Variants in CNTN3 observed in about 807,000 individuals in gnomAD.
CNTN3 encodes the protein contactin 3.
In CNTN3, 60 loss-of-function variants were observed where a neutral mutation model predicts 119.1. That is an observed-to-expected ratio of 0.50 (90% CI 0.41 to 0.62). The LOEUF is 0.62. Among genes scored for constraint, CNTN3 ranks in the 20% least tolerant of loss-of-function variants. CNTN3 has a pLI of 0.00. For synonymous variants in CNTN3, 450 were observed against 438.7 expected (o/e 1.03, Z -0.32); for missense variants, 1,101 against 1,242.4 (o/e 0.89, Z 1.71).
In CNTN3 at chr3:74,600,233, G is replaced by A. The variant is rs528740654; in HGVS notation, c.-81+14158C>T. On this transcript the variant is annotated intron_variant, in intron 1 of 22. Coordinates refer to ENST00000263665, the MANE Select transcript of CNTN3 (RefSeq NM_020872.3). The stretch of plus-strand genomic sequence containing the variant: ...AAGGTGAATAGGGGAGTTGAAAGAC[G>A]TCCTGAAAAGCAAACTCAATTTCAA... Among the ~76,000 whole-genome samples, 7 of 152,088 alleles carry A rather than the reference G, an allele frequency of 4.6e-5. No individual in the cohort carries two copies. The East Asian group carries it at 7.8e-4, about 17-fold the overall frequency.
chr3:74,385,676 G>A (rs1318404824), intron 5 of CNTN3, among the ~76,000 whole-genome samples: 2 of 152,204 alleles, frequency 1.3e-5, no homozygotes, highest in Admixed American at 6.5e-5. Context: ...TTGCCAACCT[G>A]TGGGATGTGA....
At chr3:74,455,291 G>A (rs1419841830) in intron 4 of CNTN3, among the ~76,000 whole-genome samples, 7 of 151,538 alleles carry the variant, frequency 4.6e-5, no homozygotes, top group Admixed American at 6.6e-5. Flanking sequence ...CCAGTTGATC[G>A]CATCGGCTCC....
intron 4 of CNTN3, among the ~76,000 whole-genome samples, chr3:74,448,919 T>C (rs924781405): frequency 5.3e-5 from 8 of 152,154 alleles, no homozygotes; most frequent in Non-Finnish European, 8.8e-5. Flanking sequence ...TAATTGTATA[T>C]ACTTTCTATA....
intron 4 of CNTN3, among the ~76,000 whole-genome samples, chr3:74,425,194 C>G (rs1701676722): frequency 6.6e-6 from 1 of 152,074 alleles, no homozygotes; most frequent in East Asian, 1.9e-4. Flanking sequence ...GTAGTGAGTA[C>G]AGAACCCAAC....
intron 2 of CNTN3, among the ~76,000 whole-genome samples, chr3:74,512,596 AC>A (rs758053998): frequency 4.6e-5 from 7 of 151,294 alleles, no homozygotes; most frequent in East Asian, 3.9e-4. Flanking sequence ...CAGAAAAAAA[AC>A]ATTAGATTCT....
intron 1 of CNTN3, among the ~76,000 whole-genome samples, chr3:74,571,776 T>C (rs996408730): frequency 3.8e-4 from 58 of 152,308 alleles, no homozygotes; most frequent in African/African-American, 1.3e-3. Context: ...GCAAAACTTA[T>C]AGAACTTGGG....
chr3:74,574,446 T>C (rs940978664), intron 1 of CNTN3, among the ~76,000 whole-genome samples: 2 of 152,202 alleles, frequency 1.3e-5, no homozygotes, highest in South Asian at 2.1e-4. Context: ...TAGGGTATAC[T>C]GGCTTAGAAC....
rs117860665 is a variant in CNTN3 at position 74,549,201 on chromosome 3, A to C, written c.-80-28009T>G. Among the ~76,000 whole-genome samples the C allele has an allele frequency of 4.7e-4, 72 of 152,120 alleles. 1 individual carries two copies. In the East Asian group the frequency reaches 0.01, roughly 21 times the overall value. On this transcript the variant is annotated intron_variant, in intron 1 of 22. Transcript: ENST00000263665. ...GTTGTCTCGTAATAGAGTTCTCACA[A>C]GATCTGGTTGTTTGGAAAGTGTGTA...
At chr3:74,411,480 G>A (rs945487004) in intron 5 of CNTN3, among the ~76,000 whole-genome samples, 5 of 152,070 alleles carry the variant, frequency 3.3e-5, no homozygotes, top group Admixed American at 2.6e-4. Context: ...ATTCCTCTTT[G>A]ATAGGTAAAA....
chr3:74,356,222 C>T (rs1000953334), intron 11 of CNTN3, among the ~76,000 whole-genome samples: 2 of 152,060 alleles, frequency 1.3e-5, no homozygotes, highest in East Asian at 3.9e-4. Context: ...TTAGACTTCC[C>T]AGCCTCCAGA....
chr3:74,581,341 G>T (rs1020270991), intron 1 of CNTN3, among the ~76,000 whole-genome samples: 1 of 151,936 alleles, frequency 6.6e-6, no homozygotes, highest in African/African-American at 2.4e-5. Flanking sequence ...ATATAATAAT[G>T]AAAAAATAGA....
chr3:74,506,778 T>C (rs963891139), intron 2 of CNTN3, among the ~76,000 whole-genome samples: 2 of 151,808 alleles, frequency 1.3e-5, no homozygotes, highest in Non-Finnish European at 2.9e-5. Context: ...CTCTTTCTAT[T>C]ATACTTATTG....
At chr3:74,267,610 A>T (rs1701689503) in intron 20 of CNTN3, 1 of 446,674 alleles carries the variant, frequency 2.2e-6, no homozygotes, top group Non-Finnish European at 4.0e-6. Flanking sequence ...TTATTCATGT[A>T]ACAAACCTGC....
chr3:74,392,352 C>G (rs967426721), intron 5 of CNTN3, among the ~76,000 whole-genome samples: 4 of 152,090 alleles, frequency 2.6e-5, no homozygotes, highest in African/African-American at 9.7e-5. Context: ...TTTCTTTTTG[C>G]CATTCTTCTT....
At chr3:74,347,606 TTA>T (rs1391085435) in intron 11 of CNTN3, among the ~76,000 whole-genome samples, 1 of 152,212 alleles carries the variant, frequency 6.6e-6, no homozygotes, top group Non-Finnish European at 1.5e-5. Context: ...TAAAAAAATT[TTA>T]TCTTTTCCAC....
At chr3:74,353,234 G>A (rs185248828) in intron 11 of CNTN3, among the ~76,000 whole-genome samples, 42 of 152,326 alleles carry the variant, frequency 2.8e-4, no homozygotes, top group Non-Finnish European at 4.7e-4. Context: ...CGAGGCTGTG[G>A]CCACTAGGAG....
At chr3:74,316,716 G>C (rs1486729837) in intron 13 of CNTN3, among the ~76,000 whole-genome samples, 1 of 152,018 alleles carries the variant, frequency 6.6e-6, no homozygotes, top group Non-Finnish European at 1.5e-5. Context: ...ACGAGGTCAG[G>C]AGATCGAGAC....
rs1703129785 is a variant in CNTN3 at position 74,499,673 on chromosome 3, T to C, written c.168A>G (p.Pro56=). 1 of 1,610,488 alleles carries C rather than the reference T, an allele frequency of 6.2e-7. No individual in the cohort carries two copies. The highest frequency in any genetic ancestry group is 8.5e-7 in the Non-Finnish European group (1 of 1,178,060). The change falls in exon 3 of 23, where the codon CCA becomes CCG. Residue 56 remains proline (P), a synonymous_variant. Transcript: ENST00000263665. ...ITLHCEARGN[P]SPHYRWQLNG... Reference sequence around the variant, plus strand: ...TTTCACTGTACCTGTAATGAGGTGATGGATTGCCTCTTGCTTCACAATGCA... The same window carrying C: ...TTTCACTGTACCTGTAATGAGGTGACGGATTGCCTCTTGCTTCACAATGCA...
At chr3:74,506,881 A>G (rs1703271214) in intron 2 of CNTN3, among the ~76,000 whole-genome samples, 1 of 152,160 alleles carries the variant, frequency 6.6e-6, no homozygotes, top group African/African-American at 2.4e-5. Context: ...TCTTTAACAC[A>G]TTACTTTCAA....
Sources: allele counts gnomAD v4.1 joint callset (sites outside exome capture counted in the v4.1 genomes callset), GRCh38; gene constraint gnomAD v4.1.1; transcripts MANE v1.5; gene names NCBI Gene and HGNC (gene_info 2026-07-23, HGNC 2026-07-21).